BICC1: variants seen among roughly 807,000 people sequenced by gnomAD.
The protein encoded by BICC1 is protein bicaudal C homolog 1.
BICC1 carries 43 observed loss-of-function variants against 111.0 expected under a neutral mutation model. The observed-to-expected ratio is 0.39, with a 90% CI of 0.30 to 0.50. BICC1 has a LOEUF of 0.50. Ranked by LOEUF, BICC1 falls within the 20% of genes least tolerant of loss-of-function variation. The pLI is 0.88. For synonymous variants in BICC1, 467 were observed against 434.4 expected, an observed-to-expected ratio of 1.07 and a Z score of -0.93; for missense variants, 1,091 against 1,203.2, an observed-to-expected ratio of 0.91 and a Z score of 1.38.
At chr10:58,557,843 C>T (rs1843495888) in intron 1 of BICC1, among the ~76,000 whole-genome samples, 1 of 152,042 alleles carries the variant, frequency 6.6e-6, no homozygotes, top group Admixed American at 6.6e-5. Context: ...TTTTTCTTCT[C>T]ATGGCCTGTA....
At chr10:58,785,101 C>G in intron 4 of BICC1, 21 bp downstream of exon 4, 1 of 1,462,218 alleles carries the variant, frequency 6.8e-7, no homozygotes, top group Non-Finnish European at 9.3e-7. Flanking sequence ...GTTAAGGACA[C>G]TCAGATGTCA....
intron 1 of BICC1, among the ~76,000 whole-genome samples, chr10:58,532,854 A>G (rs1259060072): frequency 6.6e-6 from 1 of 151,840 alleles, no homozygotes; most frequent in Non-Finnish European, 1.5e-5. Flanking sequence ...ATCCTAAAGC[A>G]TTTCTCGAAA....
intron 1 of BICC1, among the ~76,000 whole-genome samples, chr10:58,561,231 G>A (rs1369610742): frequency 1.3e-5 from 2 of 151,984 alleles, no homozygotes; most frequent in African/African-American, 4.8e-5. Flanking sequence ...GGGTTTTCCA[G>A]TGCTGGGTGC....
chr10:58,623,452 T>C (rs1436046869), intron 2 of BICC1, among the ~76,000 whole-genome samples: 2 of 152,204 alleles, frequency 1.3e-5, no homozygotes, highest in African/African-American at 4.8e-5. Context: ...TTTTGCTGCA[T>C]GGGTTTGAAA....
At chr10:58,725,635 A>G (rs1841081268) in intron 3 of BICC1, among the ~76,000 whole-genome samples, 4 of 152,218 alleles carry the variant, frequency 2.6e-5, no homozygotes, top group Admixed American at 2.6e-4. Context: ...TTATTTTGCA[A>G]ACAAATCCAC....
intron 3 of BICC1, among the ~76,000 whole-genome samples, chr10:58,723,243 T>C (rs1445149296): frequency 2.0e-5 from 3 of 152,252 alleles, no homozygotes; most frequent in Non-Finnish European, 2.9e-5. Flanking sequence ...GTATTTGATG[T>C]AAACTGGAGA....
chr10:58,660,494 AAAAG>A (rs1838807247), intron 2 of BICC1, among the ~76,000 whole-genome samples: 1 of 152,116 alleles, frequency 6.6e-6, no homozygotes, highest in South Asian at 2.1e-4. Flanking sequence ...TTAAAAAAAA[AAAAG>A]AGTTCATTCT....
chr10:58,784,703 A>G (rs548919515), intron 3 of BICC1, among the ~76,000 whole-genome samples: 1 of 152,132 alleles, frequency 6.6e-6, no homozygotes, highest in African/African-American at 2.4e-5. Context: ...AAAAAATTAT[A>G]TGATATTTTT....
chr10:58,602,091 A>C (rs1257181506), intron 1 of BICC1, among the ~76,000 whole-genome samples: 1 of 152,164 alleles, frequency 6.6e-6, no homozygotes, highest in Non-Finnish European at 1.5e-5. Context: ...GAAACATTTA[A>C]GTTTCTTGAA....
At chr10:58,744,437 A>T (rs576200727) in intron 3 of BICC1, among the ~76,000 whole-genome samples, 41 of 152,110 alleles carry the variant, frequency 2.7e-4, no homozygotes, top group African/African-American at 9.4e-4. Flanking sequence ...GATTTTTTTT[A>T]AAAAAATAGC....
intron 2 of BICC1, among the ~76,000 whole-genome samples, chr10:58,662,681 T>C (rs1838881727): frequency 6.6e-6 from 1 of 152,226 alleles, no homozygotes; most frequent in Non-Finnish European, 1.5e-5. Flanking sequence ...ATCCTTGTTT[T>C]TGAAACATAG....
intron 2 of BICC1, among the ~76,000 whole-genome samples, chr10:58,672,546 A>T (rs1425930327): frequency 6.6e-6 from 1 of 152,084 alleles, no homozygotes; most frequent in Admixed American, 6.6e-5. Context: ...ATGTCAGATG[A>T]TATCATTGCA....
intron 2 of BICC1, among the ~76,000 whole-genome samples, chr10:58,676,977 A>G (rs1839364664): frequency 6.6e-6 from 1 of 152,196 alleles, no homozygotes; most frequent in Non-Finnish European, 1.5e-5. Context: ...TAGAAGGAAA[A>G]CTAACAAATA....
chr10:58,822,986 T>C (rs1844296324), intron 20 of BICC1, among the ~76,000 whole-genome samples: 1 of 152,140 alleles, frequency 6.6e-6, no homozygotes, highest in African/African-American at 2.4e-5. Context: ...CCAAAATACA[T>C]TTAATGTTAT....
At chr10:58,724,487 C>T (rs1442222214) in intron 3 of BICC1, among the ~76,000 whole-genome samples, 1 of 152,118 alleles carries the variant, frequency 6.6e-6, no homozygotes, top group Non-Finnish European at 1.5e-5. Flanking sequence ...GACTGCTTTT[C>T]CCAGCCCACT....
At chr10:58,532,515 A>T (rs1416762058) in intron 1 of BICC1, among the ~76,000 whole-genome samples, 1 of 151,908 alleles carries the variant, frequency 6.6e-6, no homozygotes, top group African/African-American at 2.4e-5. Context: ...TGGGAATAGT[A>T]CACCAAAGAA....
At chr10:58,790,849 G>A (rs1467729198) in intron 8 of BICC1, among the ~76,000 whole-genome samples, 2 of 152,172 alleles carry the variant, frequency 1.3e-5, no homozygotes, top group Non-Finnish European at 2.9e-5. Flanking sequence ...CAGTGTATGG[G>A]TTGATAATGT....
intron 2 of BICC1, among the ~76,000 whole-genome samples, chr10:58,667,232 C>A (rs1839040499): frequency 6.6e-6 from 1 of 151,990 alleles, no homozygotes; most frequent in Admixed American, 6.6e-5. Context: ...CTTTTAAAAG[C>A]TAATTTGTAA....
chr10:58,704,024 A>G (rs55769863), intron 3 of BICC1, among the ~76,000 whole-genome samples: 38,433 of 152,182 alleles, frequency 0.25, 5,798 homozygotes, highest in African/African-American at 0.42. Flanking sequence ...GACATTTCAG[A>G]AAATGTGGAG....
Sources: allele counts gnomAD v4.1 joint callset (sites outside exome capture counted in the v4.1 genomes callset), GRCh38; gene constraint gnomAD v4.1.1; transcripts MANE v1.5; gene names NCBI Gene and HGNC (gene_info 2026-07-23, HGNC 2026-07-21).